GLP2R: variants seen among roughly 807,000 people sequenced by gnomAD.
GLP2R encodes glucagon-like peptide 2 receptor.
A neutral mutation model predicts 68.2 loss-of-function variants in GLP2R; 59 were observed. The observed-to-expected ratio is 0.87, with a 90% CI of 0.70 to 1.07. GLP2R has a LOEUF of 1.07. Ranked by LOEUF, GLP2R falls within the 50% of genes least tolerant of loss-of-function variation. The pLI, the probability that GLP2R is intolerant of heterozygous loss-of-function variation, is 0.00. For synonymous variants in GLP2R, 270 were observed against 265.4 expected, an observed-to-expected ratio of 1.02 and a Z score of -0.17; for missense variants, 548 against 677.4, an observed-to-expected ratio of 0.81 and a Z score of 2.12.
chr17:9,844,294 G>A (rs2066816043), intron 4 of GLP2R, among the ~76,000 whole-genome samples: 1 of 152,196 alleles, frequency 6.6e-6, no homozygotes, highest in Non-Finnish European at 1.5e-5. Flanking sequence ...TAACTTATGT[G>A]TTGACAGATT....
intron 10 of GLP2R, among the ~76,000 whole-genome samples, chr17:9,877,509 A>G (rs2067151454): frequency 6.6e-6 from 1 of 152,230 alleles, no homozygotes; most frequent in Admixed American, 6.5e-5. Context: ...GGAAATCCAC[A>G]TAAACCCCGA....
chr17:9,837,881 A>G (rs1188760427), intron 3 of GLP2R, among the ~76,000 whole-genome samples: 1 of 152,178 alleles, frequency 6.6e-6, no homozygotes, highest in Non-Finnish European at 1.5e-5. Context: ...GGGTAAGATG[A>G]TAGCCTTTTG....
chr17:9,827,952 A>C (rs1210233367), intron 1 of GLP2R, among the ~76,000 whole-genome samples: 1 of 124,710 alleles, frequency 8.0e-6, no homozygotes, highest in African/African-American at 3.8e-5. Flanking sequence ...TAGAGTGAGG[A>C]TCTGTCTCAA....
chr17:9,889,397 G>T lies in GLP2R; in HGVS notation c.1354G>T (p.Val452Phe). 1 of 1,613,762 alleles carries T rather than the reference G, an allele frequency of 6.2e-7. No individual in the cohort carries two copies. Among genetic ancestry groups the T allele is most frequent in the East Asian group, 2.2e-5 (1 of 44,886 alleles). ...EVKAELRKYW[V>F]RFLLARHSGC... ...GAAGGCTGAGCTGCGGAAATACTGG[G>T]TCCGCTTCTTGCTAGCCCGCCACTC... Residue 452 changes from valine (V) to phenylalanine (F), a missense_variant, in exon 13 of 13, where the codon GTC (valine) becomes TTC (phenylalanine). Physicochemically the swap from Val to Phe is conservative, Grantham distance 50. Coordinates refer to ENST00000262441, the MANE Select transcript of GLP2R (RefSeq NM_004246.3).
intron 11 of GLP2R, among the ~76,000 whole-genome samples, chr17:9,881,541 C>T (rs9897563): frequency 0.053 from 7,707 of 145,964 alleles, 1,579 homozygotes; most frequent in African/African-American, 0.2. Context: ...CCACTACGCC[C>T]GGCTAATTTT....
chr17:9,888,284 G>A lies in GLP2R; in HGVS notation c.1326+311G>A, dbSNP rs148289079. Among the ~76,000 whole-genome samples, 610 of 152,162 alleles carry A rather than the reference G, an allele frequency of 4.0e-3. 4 individuals are homozygous for A. The highest frequency in any genetic ancestry group is 0.014 in the African/African-American group (580 of 41,492). Reference sequence around the variant, plus strand: ...TCAGAGTCCAAAAATCTGAATTCACGCCTTGGTTCACCCTCAGGAGTTCTG... The same window carrying A: ...TCAGAGTCCAAAAATCTGAATTCACACCTTGGTTCACCCTCAGGAGTTCTG... On this transcript the variant is annotated intron_variant, in intron 12 of 12. Coordinates refer to ENST00000262441, the MANE Select transcript of GLP2R (RefSeq NM_004246.3).
Position 9,826,245 on chromosome 17 carries a change from T to A in GLP2R, c.182T>A (p.Ile61Asn). ...PFLTLVLLVSIKQVTGSLLEE... is the reference protein window; with the variant it reads ...PFLTLVLLVSNKQVTGSLLEE... ...CTCACTCTGGTCCTGCTGGTTTCCA[T>A]CAAGCAAGTAAGAGCAGTTCATTAT... Residue 61 changes from isoleucine (I) to asparagine (N), a missense_variant, in exon 1 of 13, where the codon ATC becomes AAC. Coordinates refer to ENST00000262441, the MANE Select transcript of GLP2R (RefSeq NM_004246.3). The A allele has an allele frequency of 6.3e-7, 1 of 1,591,918 alleles. No homozygotes were observed. The highest frequency in any genetic ancestry group is 1.1e-5 in the South Asian group (1 of 88,916).
chr17:9,872,099 T>G (rs370806601), intron 10 of GLP2R, among the ~76,000 whole-genome samples: 79 of 152,336 alleles, frequency 5.2e-4, no homozygotes, highest in African/African-American at 1.7e-3. Flanking sequence ...AGAGTAGCTC[T>G]AAGAGTAGGA....
Position 9,854,490 on chromosome 17 carries a change from T to G in GLP2R, c.505-5T>G. 6.4e-7 allele frequency: 1 copy of G among 1,574,014 alleles called. No individual in the cohort carries two copies. The highest frequency in any genetic ancestry group is 8.7e-7 in the Non-Finnish European group (1 of 1,143,246). ...TGGTCATGTCTGCTCTTCCTCTGTG[T>G]TCAGGTGGATCGTTATGCCTTGCTG... On this transcript the variant is annotated splice_region_variant and splice_polypyrimidine_tract_variant and intron_variant, in intron 4 of 12. Transcript: ENST00000262441.
rs567510721 is a variant in GLP2R, at chr17:9,845,063, C to CT, written c.504+2460dup. On this transcript the variant is annotated intron_variant, in intron 4 of 12. Transcript: ENST00000262441. The stretch of plus-strand genomic sequence containing the variant: ...ACTCTCCGCCACTCCCAAGTTGTGG[C>CT]TTTTTTTTTTTTTGAGATAGAGTCT... Among the ~76,000 whole-genome samples, 1,010 of 143,912 alleles carry CT rather than the reference C, an allele frequency of 7.0e-3. 5 individuals carry two copies. The highest frequency in any genetic ancestry group is 0.016 in the South Asian group (73 of 4,496). 94.4% of individuals were successfully genotyped at this position (143,912 alleles called of 152,430 possible). A position where few individuals can be genotyped will look rare whatever the true frequency, so the allele number is the denominator to read the frequency against.
chr17:9,869,959 A>T (rs1046873453), intron 9 of GLP2R, among the ~76,000 whole-genome samples: 2 of 152,252 alleles, frequency 1.3e-5, no homozygotes, highest in Admixed American at 1.3e-4. Context: ...TTAAAGGCTG[A>T]CAATGGAGGG....
At chr17:9,864,144 T>C (rs2067012246) in intron 9 of GLP2R, among the ~76,000 whole-genome samples, 1 of 152,186 alleles carries the variant, frequency 6.6e-6, no homozygotes, top group African/African-American at 2.4e-5. Context: ...CCCCAGACAT[T>C]TATGTTTCAT....
At chr17:9,880,340 T>C (rs1056180994) in intron 10 of GLP2R, 38 bp from the exon 11 acceptor site, 16 of 1,430,912 alleles carry the variant, frequency 1.1e-5, no homozygotes, top group Middle Eastern at 1.8e-4. Flanking sequence ...TTGTTCCCCA[T>C]GTGGCCCTCT....
rs1421290722 is a variant in GLP2R at position 9,889,701 on chromosome 17, T to C, written c.1658T>C (p.Ile553Thr). Residue 553 changes from isoleucine to threonine, a missense_variant, in exon 13 of 13, where the codon ATC becomes ACC. Ile to Thr is a moderately conservative substitution (Grantham distance 89). Transcript: ENST00000262441. ...GAGGAGATTCTGGAAGAGAGTGAGATCTAGGGTGGAGTTCCACCACCCTGG... is the reference window on the plus strand; with the variant it reads ...GAGGAGATTCTGGAAGAGAGTGAGACCTAGGGTGGAGTTCCACCACCCTGG... Reference protein sequence around the residue: ...TMEEILEESEI With the variant: ...TMEEILEESET 1 of 1,543,916 alleles carries C rather than the reference T, an allele frequency of 6.5e-7. No individual in the cohort carries two copies. Among genetic ancestry groups the C allele is most frequent in the African/African-American group, 1.4e-5 (1 of 73,146 alleles).
Position 9,826,032 on chromosome 17 carries a change from T to C in GLP2R, c.-32T>C. ...GGTGCATCTTGGACGGCTAGAGAGA[T>C]GTACCCCTACTTGTGAAGGTGCACG... is the stretch of plus-strand genomic sequence containing the variant. On this transcript the variant is annotated 5_prime_UTR_variant, in exon 1 of 13. The change abolishes an upstream ATG in the 5' untranslated region. Coordinates refer to ENST00000262441, the MANE Select transcript of GLP2R (RefSeq NM_004246.3). 2 of 1,587,172 alleles carry C rather than the reference T, an allele frequency of 1.3e-6. No individual in the cohort carries two copies. The highest frequency in any genetic ancestry group is 1.7e-6 in the Non-Finnish European group (2 of 1,164,730).
chr17:9,859,819 CAAAAAAAAAAA>C (rs10567375), intron 6 of GLP2R, 112 bp from the exon 7 acceptor site: 36 of 143,882 alleles, frequency 2.5e-4, no homozygotes, highest in South Asian at 2.1e-3. Flanking sequence ...GATTCTGTCT[CAAAAAAAAAAA>C]AAAAAAAAAA....
chr17:9,868,157 C>T (rs2067057909), intron 9 of GLP2R, among the ~76,000 whole-genome samples: 1 of 152,206 alleles, frequency 6.6e-6, no homozygotes, highest in Non-Finnish European at 1.5e-5. Context: ...GGGCTTCCTT[C>T]CTCCTCTCCC....
chr17:9,879,340 T>TAATAAAATAAAATAAAATAAAATAAA (rs2067172891), intron 10 of GLP2R, among the ~76,000 whole-genome samples: 1 of 111,158 alleles, frequency 9.0e-6, no homozygotes, highest in Admixed American at 8.9e-5. Context: ...TAAAATAAAA[T>TAATAAAATAAAATAAAATAAAATAAA]AAAATAATTA....
intron 1 of GLP2R, among the ~76,000 whole-genome samples, chr17:9,831,847 G>A (rs960653243): frequency 5.9e-5 from 9 of 152,106 alleles, no homozygotes; most frequent in Non-Finnish European, 1.2e-4. Context: ...AGGTGGGGTC[G>A]ATGGAACCTG....
Sources: allele counts gnomAD v4.1 joint callset (sites outside exome capture counted in the v4.1 genomes callset), GRCh38; gene constraint gnomAD v4.1.1; transcripts MANE v1.5; gene names NCBI Gene and HGNC (gene_info 2026-07-23, HGNC 2026-07-21).